Variants in EPHA5 observed in about 807,000 individuals in gnomAD.
EPHA5 encodes the protein ephrin type-A receptor 5.
In EPHA5, 60 loss-of-function variants were observed where a neutral mutation model predicts 105.0. That is an observed-to-expected ratio of 0.57 (90% CI 0.46 to 0.71). The LOEUF is 0.71. Ranked by LOEUF, EPHA5 falls within the 30% of genes least tolerant of loss-of-function variation. The pLI is 0.00. For synonymous variants in EPHA5, 513 were observed against 449.1 expected, an observed-to-expected ratio of 1.14 and a Z score of -1.80; for missense variants, 1,218 against 1,274.7, an observed-to-expected ratio of 0.96 and a Z score of 0.68.
intron 2 of EPHA5, among the ~76,000 whole-genome samples, chr4:65,603,341 TAA>T (rs34229543): frequency 3.3e-5 from 5 of 151,850 alleles, no homozygotes; most frequent in Non-Finnish European, 7.4e-5. Context: ...CTGAAGCCTG[TAA>T]AAAAATCTGT....
At chr4:65,447,083 C>A (rs1056083176) in intron 5 of EPHA5, among the ~76,000 whole-genome samples, 2 of 148,964 alleles carry the variant, frequency 1.3e-5, no homozygotes, top group African/African-American at 5.0e-5. Context: ...AACTCCTGGG[C>A]TCAAGCAATC....
intron 2 of EPHA5, among the ~76,000 whole-genome samples, chr4:65,606,415 T>A (rs1744234122): frequency 6.6e-6 from 1 of 152,222 alleles, no homozygotes; most frequent in Non-Finnish European, 1.5e-5. Flanking sequence ...TTTTGTGCTA[T>A]CTTTAAAACA....
At chr4:65,385,307 T>G (rs1213064326) in intron 8 of EPHA5, among the ~76,000 whole-genome samples, 2 of 151,892 alleles carry the variant, frequency 1.3e-5, no homozygotes, top group African/African-American at 4.8e-5. Context: ...TTTTCTAAAA[T>G]TGAATCACAT....
intron 16 of EPHA5, among the ~76,000 whole-genome samples, chr4:65,324,852 A>G (rs1719927086): frequency 6.7e-6 from 1 of 150,096 alleles, no homozygotes; most frequent in African/African-American, 2.4e-5. Flanking sequence ...ACATGCTTTC[A>G]GAACACTTTT....
intron 16 of EPHA5, among the ~76,000 whole-genome samples, chr4:65,327,410 C>G (rs775628182): frequency 7.3e-5 from 11 of 151,156 alleles, no homozygotes; most frequent in Non-Finnish European, 1.3e-4. Context: ...TCTCTCTTGC[C>G]TTTCCATCTC....
chr4:65,531,005 T>A (rs902948143), intron 3 of EPHA5, among the ~76,000 whole-genome samples: 8 of 103,990 alleles, frequency 7.7e-5, no homozygotes, highest in African/African-American at 2.7e-4. Flanking sequence ...GATTTTTTTT[T>A]ATTTTTTTTA....
chr4:65,441,064 A>G (rs1725964324), intron 5 of EPHA5, among the ~76,000 whole-genome samples: 2 of 152,148 alleles, frequency 1.3e-5, no homozygotes. Context: ...TAAATTTACT[A>G]CATAATAGAC....
chr4:65,551,461 A>G (rs1050405299), intron 3 of EPHA5, among the ~76,000 whole-genome samples: 2 of 152,104 alleles, frequency 1.3e-5, no homozygotes, highest in African/African-American at 4.8e-5. Context: ...GTCCTTAATC[A>G]AAGGAGAATA....
chr4:65,464,967 C>T (rs1442039545), intron 5 of EPHA5, among the ~76,000 whole-genome samples: 3 of 151,960 alleles, frequency 2.0e-5, no homozygotes, highest in Non-Finnish European at 2.9e-5. Flanking sequence ...TTTCTGTTCT[C>T]AAAGAGCTTA....
chr4:65,621,423 T>C (rs7697951), intron 2 of EPHA5, among the ~76,000 whole-genome samples: 46,737 of 152,000 alleles, frequency 0.31, 7,321 homozygotes, highest in Non-Finnish European at 0.33. Flanking sequence ...TCTCTAATGG[T>C]AAATAGTCAT....
chr4:65,630,092 C>G (rs1408952806), intron 2 of EPHA5, among the ~76,000 whole-genome samples: 1 of 151,948 alleles, frequency 6.6e-6, no homozygotes, highest in Non-Finnish European at 1.5e-5. Context: ...CACACACACA[C>G]ACACACACAC....
intron 3 of EPHA5, among the ~76,000 whole-genome samples, chr4:65,600,963 G>GA (rs10708025): frequency 4.0e-5 from 6 of 151,074 alleles, no homozygotes; most frequent in South Asian, 2.1e-4. Context: ...AATAAAAACA[G>GA]AAAAAAAAAT....
At chr4:65,633,899 T>A (rs536726643) in intron 2 of EPHA5, among the ~76,000 whole-genome samples, 1 of 152,016 alleles carries the variant, frequency 6.6e-6, no homozygotes, top group East Asian at 1.9e-4. Context: ...TAATAAACAA[T>A]TGGATGCAAA....
chr4:65,457,316 C>T (rs1250026397), intron 5 of EPHA5, among the ~76,000 whole-genome samples: 1 of 152,032 alleles, frequency 6.6e-6, no homozygotes, highest in Non-Finnish European at 1.5e-5. Context: ...TTGGTGTCCT[C>T]GCCTGTTAAC....
At chr4:65,396,105 C>T (rs1217173587) in intron 8 of EPHA5, among the ~76,000 whole-genome samples, 1 of 152,204 alleles carries the variant, frequency 6.6e-6, no homozygotes, top group African/African-American at 2.4e-5. Flanking sequence ...TAGGCTCAGA[C>T]GTGCCTGCTC....
intron 5 of EPHA5, among the ~76,000 whole-genome samples, chr4:65,431,153 A>G (rs1234530649): frequency 2.0e-5 from 3 of 152,186 alleles, no homozygotes; most frequent in East Asian, 1.9e-4. Flanking sequence ...TTAACGGTAC[A>G]CACAAAATGA....
intron 8 of EPHA5, among the ~76,000 whole-genome samples, chr4:65,388,115 A>G (rs1267689099): frequency 6.7e-6 from 1 of 149,372 alleles, no homozygotes; most frequent in Non-Finnish European, 1.5e-5. Flanking sequence ...ATGATTTCCA[A>G]TTTCATCCAT....
chr4:65,639,324 T>C (rs1388292593), intron 2 of EPHA5, among the ~76,000 whole-genome samples: 2 of 152,210 alleles, frequency 1.3e-5, no homozygotes, highest in East Asian at 3.8e-4. Flanking sequence ...GAGAATGTGT[T>C]AGTTTCTTCA....
At chr4:65,456,561 T>C (rs1727613657) in intron 5 of EPHA5, among the ~76,000 whole-genome samples, 1 of 152,176 alleles carries the variant, frequency 6.6e-6, no homozygotes, top group African/African-American at 2.4e-5. Context: ...TAATTTATGA[T>C]AGGAGTGCTT....
Sources: allele counts gnomAD v4.1 joint callset (sites outside exome capture counted in the v4.1 genomes callset), GRCh38; gene constraint gnomAD v4.1.1; transcripts MANE v1.5; gene names NCBI Gene and HGNC (gene_info 2026-07-23, HGNC 2026-07-21).